Variants in ANK3 observed in about 807,000 individuals in gnomAD.
The protein encoded by ANK3 is ankyrin 3, also known as ankyrin-3.
ANK3 carries 57 observed loss-of-function variants against 370.9 expected under a neutral mutation model. The observed-to-expected ratio is 0.15, with a 90% CI of 0.12 to 0.19. ANK3 has a LOEUF of 0.19. ANK3 is among the 10% of genes least tolerant of loss of function. The pLI is 1.00. For missense variants in ANK3, 4,439 were observed against 5,302.1 expected (o/e 0.84, Z 5.06); for synonymous variants, 1,929 against 1,946.3 (o/e 0.99, Z 0.23).
intron 1 of ANK3, among the ~76,000 whole-genome samples, chr10:60,705,352 T>G (rs1327248117): frequency 6.6e-6 from 1 of 152,192 alleles, no homozygotes; most frequent in Non-Finnish European, 1.5e-5. Context: ...ACACTTCACC[T>G]AACATTCACA....
At chr10:60,261,524 C>A (rs2097804330) in intron 7 of ANK3, among the ~76,000 whole-genome samples, 1 of 152,226 alleles carries the variant, frequency 6.6e-6, no homozygotes, top group South Asian at 2.1e-4. Context: ...TGAGTGCCAT[C>A]TGACCAATTT....
intron 1 of ANK3, among the ~76,000 whole-genome samples, chr10:60,675,596 C>T (rs1266243235): frequency 3.3e-5 from 5 of 152,156 alleles, no homozygotes; most frequent in African/African-American, 1.2e-4. Flanking sequence ...CAAAGTAGTC[C>T]TGTAGAAATA....
intron 23 of ANK3, among the ~76,000 whole-genome samples, chr10:60,158,768 C>T (rs1354030775): frequency 6.9e-6 from 1 of 144,088 alleles, no homozygotes; most frequent in Non-Finnish European, 1.5e-5. Flanking sequence ...CTCCGCCTTC[C>T]AGGTTCAAGC....
intron 10 of ANK3, among the ~76,000 whole-genome samples, chr10:60,207,049 G>A (rs1037485917): frequency 1.3e-5 from 2 of 152,314 alleles, no homozygotes; most frequent in East Asian, 1.9e-4. Flanking sequence ...AGTCATGACT[G>A]CTAATTTCCT....
At chr10:60,437,551 T>C (rs1172116572) in intron 2 of ANK3, among the ~76,000 whole-genome samples, 1 of 152,164 alleles carries the variant, frequency 6.6e-6, no homozygotes, top group Non-Finnish European at 1.5e-5. Context: ...AGGGACTTAA[T>C]AACTATTGCT....
In ANK3 at chr10:60,073,960, A is replaced by T. The variant is rs755799714; in HGVS notation, c.6921T>A (p.Ser2307=). The change falls in exon 37 of 44, where the codon TCT becomes TCA. Residue 2307 remains serine, a synonymous_variant. Coordinates refer to ENST00000280772, the MANE Select transcript of ANK3 (RefSeq NM_020987.5). ...CATGCTGGGCTGAGGTTTCAGCAGC[A>T]GACTTGTGAACATCTGGAGACACTG... The part of the protein sequence containing the change: ...KSAVSPDVHK[S]AAETSAQHAE... 3 of 1,614,056 alleles carry T rather than the reference A, an allele frequency of 1.9e-6. No individual in the cohort carries two copies. The highest frequency in any genetic ancestry group is 1.7e-6 in the Non-Finnish European group (2 of 1,179,994).
intron 23 of ANK3, among the ~76,000 whole-genome samples, chr10:60,144,938 A>G (rs1182814767): frequency 1.3e-5 from 2 of 152,140 alleles, no homozygotes; most frequent in Admixed American, 6.5e-5. Context: ...TTCTTATCCT[A>G]GAAGTTATTT....
chr10:60,618,675 C>T (rs2078295902), intron 1 of ANK3, among the ~76,000 whole-genome samples: 1 of 152,036 alleles, frequency 6.6e-6, no homozygotes, highest in Admixed American at 6.6e-5. Flanking sequence ...ACCCCCTGGC[C>T]TTCTCCTTCT....
chr10:60,495,965 T>C (rs1314362781), intron 2 of ANK3, among the ~76,000 whole-genome samples: 1 of 150,966 alleles, frequency 6.6e-6, no homozygotes, highest in African/African-American at 2.5e-5. Flanking sequence ...TACTGGTGTG[T>C]GCATTTTTCA....
intron 18 of ANK3, among the ~76,000 whole-genome samples, chr10:60,174,564 A>G (rs942308921): frequency 6.6e-6 from 1 of 152,232 alleles, no homozygotes; most frequent in African/African-American, 2.4e-5. Context: ...ATTATTTCCA[A>G]GTTCAAAGAA....
At chr10:60,705,299 C>A (rs183304308) in intron 1 of ANK3, among the ~76,000 whole-genome samples, 1 of 151,556 alleles carries the variant, frequency 6.6e-6, no homozygotes, top group Admixed American at 6.6e-5. Context: ...CTTCTATAAC[C>A]ATTGACTTAA....
chr10:60,690,258 G>A (rs115575788), intron 1 of ANK3, among the ~76,000 whole-genome samples: 2,629 of 152,154 alleles, frequency 0.017, 81 homozygotes, highest in African/African-American at 0.06. Flanking sequence ...GCCCAAGGAG[G>A]GCGAGCTGAA....
Position 60,066,545 on chromosome 10 carries a change from G to GAA in ANK3, c.12319+1389_12319+1390insTT, listed in dbSNP as rs2081665157. On this transcript the variant is annotated intron_variant, in intron 38 of 43. Coordinates refer to ENST00000280772, the MANE Select transcript of ANK3 (RefSeq NM_020987.5). ...GCTCCCAACCATTAGCAGTATACCT[G>GAA]AGAGCAGAGACTAGGTTGATGAAGA... Among the ~76,000 whole-genome samples the GAA allele has an allele frequency of 8.0e-5, 6 of 75,382 alleles. 1 individual carries two copies. The highest frequency in any genetic ancestry group is 2.8e-4 in the Admixed American group (2 of 7,124). 49.5% of individuals were successfully genotyped at this position (75,382 alleles called of 152,430 possible).
At chr10:60,280,989 T>C (rs2098154118) in intron 1 of ANK3, among the ~76,000 whole-genome samples, 1 of 152,156 alleles carries the variant, frequency 6.6e-6, no homozygotes. Flanking sequence ...GGAGGCAGAT[T>C]AAGGAGTAGG....
rs139651609 is a variant in ANK3, at chr10:60,231,597, G to A, written c.897+3091C>T. Among the ~76,000 whole-genome samples, 842 of 152,200 alleles carry A rather than the reference G, an allele frequency of 5.5e-3. 10 individuals carry two copies. Among genetic ancestry groups the A allele is most frequent in the African/African-American group, 0.019 (780 of 41,534 alleles). On this transcript the variant is annotated intron_variant, in intron 8 of 43. Transcript: ENST00000280772. ...TTCTATTTTTAGGCTTGCCCCCATG[G>A]CTTTCTGACATTTTAGCCCGCTCCT...
chr10:60,600,561 T>C (rs747739961), intron 2 of ANK3, among the ~76,000 whole-genome samples: 2 of 152,148 alleles, frequency 1.3e-5, no homozygotes, highest in African/African-American at 4.8e-5. Flanking sequence ...TTTTAATGTG[T>C]TTATTCTCTG....
intron 18 of ANK3, among the ~76,000 whole-genome samples, chr10:60,177,897 A>G (rs961325753): frequency 4.6e-5 from 7 of 152,018 alleles, no homozygotes; most frequent in Non-Finnish European, 1.0e-4. Context: ...ATGTCTTTTA[A>G]TTATCTCTCT....
intron 2 of ANK3, among the ~76,000 whole-genome samples, chr10:60,578,363 T>C (rs1270337496): frequency 1.3e-5 from 2 of 152,196 alleles, no homozygotes; most frequent in African/African-American, 4.8e-5. Flanking sequence ...GGCTAACAAT[T>C]TTCTCTAGAG....
intron 36 of ANK3, among the ~76,000 whole-genome samples, chr10:60,079,089 C>T (rs1410942345): frequency 6.6e-6 from 1 of 151,818 alleles, no homozygotes; most frequent in East Asian, 1.9e-4. Context: ...CAACTACCCA[C>T]TGAGGATCTC....
Sources: allele counts gnomAD v4.1 joint callset (sites outside exome capture counted in the v4.1 genomes callset), GRCh38; gene constraint gnomAD v4.1.1; transcripts MANE v1.5; gene names NCBI Gene and HGNC (gene_info 2026-07-23, HGNC 2026-07-21).